Variants in KDM4C observed in about 807,000 individuals in gnomAD.
KDM4C encodes the protein lysine-specific demethylase 4C.
In KDM4C, 81 loss-of-function variants were observed where a neutral mutation model predicts 129.3. The ratio of observed to expected loss-of-function variants is 0.63; its 90% CI spans 0.52 to 0.75. The LOEUF (loss-of-function observed/expected upper bound fraction) is 0.75, where lower values mean the gene tolerates loss of function less well. Ranked by LOEUF, KDM4C falls within the 30% of genes least tolerant of loss-of-function variation. The probability of loss-of-function intolerance (pLI) is 0.00; values close to 1 mark genes in which losing one functional copy is unlikely to be tolerated. For synonymous variants in KDM4C, 573 were observed against 456.1 expected, an observed-to-expected ratio of 1.26 and a Z score of -3.26; for missense variants, 1,457 against 1,304.0, an observed-to-expected ratio of 1.12 and a Z score of -1.81.
At chr9:6,878,283 T>C (rs1024380656) in intron 5 of KDM4C, among the ~76,000 whole-genome samples, 1 of 152,230 alleles carries the variant, frequency 6.6e-6, no homozygotes, top group African/African-American at 2.4e-5. Context: ...TGGTTAACCA[T>C]AAGAATTTTA....
chr9:7,172,609 T>C (rs1328719413), intron 21 of KDM4C, among the ~76,000 whole-genome samples: 1 of 152,246 alleles, frequency 6.6e-6, no homozygotes, highest in Non-Finnish European at 1.5e-5. Context: ...AGTTTTCTTC[T>C]CTAGTGAAAC....
At chr9:6,954,169 A>T (rs1225206654) in intron 8 of KDM4C, among the ~76,000 whole-genome samples, 1 of 152,204 alleles carries the variant, frequency 6.6e-6, no homozygotes, top group Non-Finnish European at 1.5e-5. Flanking sequence ...ACACAGATAC[A>T]TAGGATTCTG....
At chr9:7,140,718 G>C (rs1023104312) in intron 19 of KDM4C, among the ~76,000 whole-genome samples, 2 of 152,192 alleles carry the variant, frequency 1.3e-5, no homozygotes, top group African/African-American at 4.8e-5. Context: ...CCATCATGCT[G>C]GGTTCTGGGA....
At chr9:6,880,225 A>AT (rs1431682601) in intron 6 of KDM4C, among the ~76,000 whole-genome samples, 164 bp downstream of exon 6, 2 of 150,480 alleles carry the variant, frequency 1.3e-5, no homozygotes, top group Non-Finnish European at 3.0e-5. Flanking sequence ...ACAATTTTAA[A>AT]TTTTTTCACC....
intron 19 of KDM4C, among the ~76,000 whole-genome samples, chr9:7,131,853 C>A (rs566222045): frequency 3.9e-5 from 6 of 152,296 alleles, no homozygotes; most frequent in African/African-American, 9.6e-5. Flanking sequence ...ATTTCACATT[C>A]CTCAGAGAAA....
At chr9:6,964,685 G>A (rs10975942) in intron 8 of KDM4C, among the ~76,000 whole-genome samples, 2 of 151,342 alleles carry the variant, frequency 1.3e-5, no homozygotes, top group East Asian at 2.0e-4. Context: ...GTGAGGCTGA[G>A]GCAGGAGAAT....
chr9:6,830,722 G>T (rs764307617), intron 4 of KDM4C, among the ~76,000 whole-genome samples: 4 of 152,204 alleles, frequency 2.6e-5, no homozygotes, highest in Non-Finnish European at 4.4e-5. Context: ...TGTGAAGAAT[G>T]AAGAATGAAA....
intron 1 of KDM4C, among the ~76,000 whole-genome samples, chr9:6,729,153 G>A (rs71505826): frequency 0.15 from 11,447 of 74,478 alleles, 1,608 homozygotes; most frequent in Middle Eastern, 0.25. Context: ...GCAGTGAGCC[G>A]AGATCACGCC....
At chr9:6,795,343 C>G (rs1387079203) in intron 2 of KDM4C, among the ~76,000 whole-genome samples, 3 of 152,102 alleles carry the variant, frequency 2.0e-5, no homozygotes, top group African/African-American at 7.2e-5. Context: ...GTTGTTGTTT[C>G]TTTTTGAGAC....
intron 1 of KDM4C, among the ~76,000 whole-genome samples, chr9:6,769,063 A>G (rs780971197): frequency 2.6e-5 from 4 of 152,146 alleles, no homozygotes; most frequent in East Asian, 1.9e-4. Flanking sequence ...GTGAGCCACT[A>G]CACCTGGCCT....
At chr9:6,919,494 AAAG>A (rs1179915038) in intron 8 of KDM4C, among the ~76,000 whole-genome samples, 4 of 151,250 alleles carry the variant, frequency 2.6e-5, no homozygotes, top group Admixed American at 1.3e-4. Context: ...CAATACTTTG[AAAG>A]AAGAATTGCC....
At chr9:7,126,317 G>A (rs1244697223) in intron 18 of KDM4C, among the ~76,000 whole-genome samples, 2 of 152,176 alleles carry the variant, frequency 1.3e-5, no homozygotes, top group Non-Finnish European at 2.9e-5. Context: ...TTGAACTTGA[G>A]TCTTAATTCT....
intron 1 of KDM4C, among the ~76,000 whole-genome samples, chr9:6,768,096 C>G (rs1169201701): frequency 6.6e-6 from 1 of 151,986 alleles, no homozygotes; most frequent in East Asian, 1.9e-4. Context: ...TCTAAAATTC[C>G]CTTTTAGGGA....
At chr9:7,058,281 T>G (rs1353246078) in intron 17 of KDM4C, among the ~76,000 whole-genome samples, 3 of 152,182 alleles carry the variant, frequency 2.0e-5, no homozygotes, top group Non-Finnish European at 4.4e-5. Context: ...CCAACCCTTT[T>G]CAGACATCCT....
intron 6 of KDM4C, among the ~76,000 whole-genome samples, chr9:6,886,619 G>C (rs1178840941): frequency 6.6e-6 from 1 of 151,392 alleles, no homozygotes; most frequent in Non-Finnish European, 1.5e-5. Context: ...AGTGTCCTGA[G>C]TAGCTGGGAC....
At chr9:7,112,684 A>T (rs547791826) in intron 18 of KDM4C, among the ~76,000 whole-genome samples, 1 of 152,158 alleles carries the variant, frequency 6.6e-6, no homozygotes, top group Non-Finnish European at 1.5e-5. Context: ...GGTTGAATCT[A>T]TCCTTTCAGT....
intron 12 of KDM4C, among the ~76,000 whole-genome samples, chr9:6,998,821 A>AAACAAC (rs747457121): frequency 6.6e-6 from 1 of 152,076 alleles, no homozygotes; most frequent in African/African-American, 2.4e-5. Context: ...ACCAACAAAC[A>AAACAAC]AACAACAACA....
intron 8 of KDM4C, among the ~76,000 whole-genome samples, chr9:6,929,763 C>A (rs1823333976): frequency 1.3e-5 from 2 of 152,106 alleles, no homozygotes; most frequent in Non-Finnish European, 2.9e-5. Context: ...AGAAAGGATA[C>A]TTTTGTGGGT....
intron 12 of KDM4C, among the ~76,000 whole-genome samples, chr9:7,010,862 G>T (rs531855497): frequency 2.6e-5 from 4 of 152,090 alleles, no homozygotes; most frequent in African/African-American, 7.2e-5. Flanking sequence ...TGGCCATCAT[G>T]GTGAAACTCC....
Sources: gnomAD v4.1 joint callset for allele counts (sites outside exome capture counted in the v4.1 genomes callset) on GRCh38, gnomAD v4.1.1 for gene constraint, MANE v1.5 for transcripts, NCBI Gene and HGNC (gene_info 2026-07-23, HGNC 2026-07-21) for gene names.